ADAMTSL3: variants seen among roughly 807,000 people sequenced by gnomAD.
The protein encoded by ADAMTSL3 is ADAMTS like 3.
ADAMTSL3 carries 128 observed loss-of-function variants against 201.7 expected under a neutral mutation model. That is an observed-to-expected ratio of 0.63 (90% confidence interval 0.55 to 0.73). The LOEUF is 0.73. Ranked by LOEUF, ADAMTSL3 falls within the 30% of genes least tolerant of loss-of-function variation. The pLI is 0.00. For synonymous variants in ADAMTSL3, 738 were observed against 748.4 expected, an observed-to-expected ratio of 0.99 and a Z score of 0.23; for missense variants, 1,990 against 2,119.6, an observed-to-expected ratio of 0.94 and a Z score of 1.20.
chr15:83,752,299 A>G (rs2062648777), intron 3 of ADAMTSL3, among the ~76,000 whole-genome samples: 1 of 152,186 alleles, frequency 6.6e-6, no homozygotes, highest in Non-Finnish European at 1.5e-5. Flanking sequence ...ACTTTGCTGT[A>G]ATAGACCAAA....
At chr15:84,034,737 C>T (rs1333781773) in intron 28 of ADAMTSL3, among the ~76,000 whole-genome samples, 25 of 152,164 alleles carry the variant, frequency 1.6e-4, no homozygotes, top group Non-Finnish European at 1.5e-5. Flanking sequence ...ACCAGGCAGG[C>T]TTGGGATCTA....
chr15:83,718,702 A>C (rs945629709), intron 3 of ADAMTSL3, among the ~76,000 whole-genome samples: 1 of 151,994 alleles, frequency 6.6e-6, no homozygotes, highest in African/African-American at 2.4e-5. Flanking sequence ...AAAAAAAAAA[A>C]AAAAAATTGG....
intron 12 of ADAMTSL3, among the ~76,000 whole-genome samples, chr15:83,892,072 C>A (rs752560846): frequency 2.2e-4 from 34 of 151,714 alleles, no homozygotes; most frequent in Middle Eastern, 3.4e-3. Flanking sequence ...AAAAATTAGC[C>A]GGGCTTGGTG....
chr15:83,850,560 C>T (rs915823055), intron 7 of ADAMTSL3, among the ~76,000 whole-genome samples: 4 of 151,426 alleles, frequency 2.6e-5, no homozygotes, highest in Admixed American at 6.6e-5. Context: ...TCTCCAGCTA[C>T]GACCCTAATT....
chr15:83,897,385 G>A (rs1333781728), intron 13 of ADAMTSL3, among the ~76,000 whole-genome samples: 1 of 152,020 alleles, frequency 6.6e-6, no homozygotes, highest in South Asian at 2.1e-4. Flanking sequence ...TCGTTATATG[G>A]TAGCAGTTTT....
chr15:83,813,062 G>A (rs372095227), intron 5 of ADAMTSL3, among the ~76,000 whole-genome samples: 13 of 152,230 alleles, frequency 8.5e-5, no homozygotes, highest in African/African-American at 3.1e-4. Flanking sequence ...GGTGCAGACA[G>A]CAGTAGCTAA....
At chr15:83,949,518 A>G (rs979261413) in intron 19 of ADAMTSL3, among the ~76,000 whole-genome samples, 3 of 152,038 alleles carry the variant, frequency 2.0e-5, no homozygotes, top group African/African-American at 7.2e-5. Flanking sequence ...TCTTTTTGGT[A>G]TATACCTAGG....
In ADAMTSL3 at chr15:83,681,925, G is replaced by A. The variant is rs1042768741; in HGVS notation, c.70-22464G>A. 3.3e-5 allele frequency among the ~76,000 whole-genome samples: 5 copies of A among 152,278 alleles called. No homozygotes were observed. The East Asian group carries it at 9.6e-4, about 29-fold the overall frequency. On this transcript the variant is annotated intron_variant, in intron 2 of 29. Transcript: ENST00000286744. ...ATGGACATTTAAAAATCTGTCCTTA[G>A]TGACTTCTTTTTTTATTTGATCCTA...
chr15:83,671,051 T>G (rs1401030430), intron 2 of ADAMTSL3, among the ~76,000 whole-genome samples: 5 of 152,222 alleles, frequency 3.3e-5, no homozygotes, highest in Non-Finnish European at 7.3e-5. Context: ...TATTGTTTTT[T>G]TTAATATTCA....
intron 25 of ADAMTSL3, 93 bp downstream of exon 25, chr15:84,016,592 C>T: frequency 9.2e-7 from 1 of 1,082,914 alleles, no homozygotes; most frequent in Non-Finnish European, 1.4e-6. Context: ...TTTCACTTTG[C>T]AATATGTAAA....
intron 5 of ADAMTSL3, among the ~76,000 whole-genome samples, chr15:83,817,641 G>T (rs191014768): frequency 4.0e-4 from 61 of 152,280 alleles, no homozygotes; most frequent in African/African-American, 1.4e-3. Context: ...AGTTTCATCT[G>T]CTGAAAATAA....
At chr15:83,990,086 C>T (rs938362235) in intron 22 of ADAMTSL3, among the ~76,000 whole-genome samples, 2 of 152,186 alleles carry the variant, frequency 1.3e-5, no homozygotes, top group African/African-American at 4.8e-5. Context: ...GACAGGGCCT[C>T]TCTGAACCAC....
rs140904608 is a variant in ADAMTSL3, at chr15:84,019,369, C to A, written c.4274-2041C>A. ...CTAAAAAAGTTAAGCGCACACCTAC[C>A]CTCGACCTAGCAGTTTCACTCACAG... On this transcript the variant is annotated intron_variant, in intron 25 of 29. Transcript: ENST00000286744. Among the ~76,000 whole-genome samples, 685 of 151,996 alleles carry A rather than the reference C, an allele frequency of 4.5e-3. 3 individuals are homozygous for A. The highest frequency in any genetic ancestry group is 0.016 in the African/African-American group (655 of 41,436).
At chr15:83,992,305 G>T (rs751720978) in intron 23 of ADAMTSL3, among the ~76,000 whole-genome samples, 4 of 152,160 alleles carry the variant, frequency 2.6e-5, no homozygotes, top group Non-Finnish European at 4.4e-5. Flanking sequence ...TCTACAAACA[G>T]TGGAAATTTG....
At chr15:83,661,753 G>T (rs2061167842) in intron 2 of ADAMTSL3, among the ~76,000 whole-genome samples, 1 of 151,574 alleles carries the variant, frequency 6.6e-6, no homozygotes, top group Non-Finnish European at 1.5e-5. Flanking sequence ...CCATCAAAAA[G>T]TGGGCAAAGG....
chr15:84,028,511 A>T (rs1219563755), intron 27 of ADAMTSL3, among the ~76,000 whole-genome samples: 3 of 152,208 alleles, frequency 2.0e-5, no homozygotes, highest in African/African-American at 7.2e-5. Context: ...GAATGTCAAA[A>T]TTTTAAAATT....
chr15:83,858,744 G>C, intron 7 of ADAMTSL3, 22 bp from the exon 8 acceptor site: 1 of 1,602,282 alleles, frequency 6.2e-7, no homozygotes. Context: ...TTTTATTGCA[G>C]TTGCGTTCTG....
Position 83,695,252 on chromosome 15 carries a change from G to T in ADAMTSL3, c.70-9137G>T, listed in dbSNP as rs866817449. On this transcript the variant is annotated intron_variant, in intron 2 of 29. Transcript: ENST00000286744. ...AATGTGTGTGTGTGTGTGTGTGTGTGTGTGTGTGTGGTGGTGGGGTCTTTG... is the reference window on the plus strand; with the variant it reads ...AATGTGTGTGTGTGTGTGTGTGTGTTTGTGTGTGTGGTGGTGGGGTCTTTG... Among the ~76,000 whole-genome samples, 20 of 41,674 alleles carry T rather than the reference G, an allele frequency of 4.8e-4. 1 individual carries two copies. Among genetic ancestry groups the T allele is most frequent in the African/African-American group, 1.8e-3 (19 of 10,394 alleles). The allele number at this position is 41,674 out of a possible 152,430, so 27.3% of individuals were successfully genotyped here.
intron 22 of ADAMTSL3, among the ~76,000 whole-genome samples, chr15:83,990,034 T>G (rs1252558630): frequency 6.6e-6 from 1 of 152,218 alleles, no homozygotes; most frequent in Non-Finnish European, 1.5e-5. Context: ...TTAAATAGTC[T>G]TTTCTATTTT....
Sources: allele counts gnomAD v4.1 joint callset (sites outside exome capture counted in the v4.1 genomes callset), GRCh38; gene constraint gnomAD v4.1.1; transcripts MANE v1.5; gene names NCBI Gene and HGNC (gene_info 2026-07-23, HGNC 2026-07-21).